KCNB2: variants seen among roughly 807,000 people sequenced by gnomAD.
KCNB2 encodes the protein potassium voltage-gated channel subfamily B member 2.
In KCNB2, 15 loss-of-function variants were observed where a neutral mutation model predicts 61.5. The ratio of observed to expected loss-of-function variants is 0.24; its 90% CI spans 0.16 to 0.38. The LOEUF (loss-of-function observed/expected upper bound fraction) is 0.38, where lower values mean the gene tolerates loss of function less well. Ranked by LOEUF, KCNB2 falls within the 10% of genes least tolerant of loss-of-function variation. KCNB2 has a pLI of 1.00. For missense variants in KCNB2, 828 were observed against 1,125.2 expected (o/e 0.74, Z 3.78); for synonymous variants, 457 against 446.0 (o/e 1.02, Z -0.31).
rs546920154 is a variant in KCNB2 at position 72,833,957 on chromosome 8, A to T, written c.580-101978A>T. Among the ~76,000 whole-genome samples the T allele has an allele frequency of 4.6e-5, 7 of 152,302 alleles. No homozygotes were observed. In the East Asian group the frequency reaches 1.4e-3, roughly 29 times the overall value. Reference sequence around the variant, plus strand: ...GCATTTTCTTACATCAGCAAATGTGATTTTGCCCAAGTGACAGCAGTGATA... The same window carrying T: ...GCATTTTCTTACATCAGCAAATGTGTTTTTGCCCAAGTGACAGCAGTGATA... On this transcript the variant is annotated intron_variant, in intron 2 of 2. Transcript: ENST00000523207.
intron 2 of KCNB2, among the ~76,000 whole-genome samples, chr8:72,729,896 A>AG (rs1365036542): frequency 6.6e-6 from 1 of 152,168 alleles, no homozygotes; most frequent in Admixed American, 6.6e-5. Context: ...AAAAAAAAAA[A>AG]AGATTACACA....
At chr8:72,848,017 A>G (rs2129003092) in intron 2 of KCNB2, among the ~76,000 whole-genome samples, 1 of 152,300 alleles carries the variant, frequency 6.6e-6, no homozygotes, top group East Asian at 1.9e-4. Flanking sequence ...GGCCTGCCCT[A>G]TTGCATAAAG....
intron 2 of KCNB2, among the ~76,000 whole-genome samples, chr8:72,803,057 T>A (rs896169490): frequency 6.6e-6 from 1 of 152,146 alleles, no homozygotes; most frequent in Admixed American, 6.6e-5. Context: ...ATGAGACACA[T>A]CCTCACTGCT....
At chr8:72,725,603 A>ATG (rs1438518658) in intron 2 of KCNB2, among the ~76,000 whole-genome samples, 1,822 of 110,690 alleles carry the variant, frequency 0.016, 71 homozygotes, top group African/African-American at 0.066. Flanking sequence ...ATATATATAT[A>ATG]TATATATATA....
At position 72,938,133 on chromosome 8, in the gene KCNB2, C is replaced by T. The variant is rs1806970830; in HGVS notation, c.*42C>T. ...TAAATTGAAACAAAACAAAACAAAA[C>T]AAAACTTGTTTCTTAAAAATGCGGT... On this transcript the variant is annotated 3_prime_UTR_variant, in exon 3 of 3. Coordinates refer to ENST00000523207, the MANE Select transcript of KCNB2 (RefSeq NM_004770.3). 1 of 1,480,588 alleles carries T rather than the reference C, an allele frequency of 6.8e-7. No individual in the cohort carries two copies. The highest frequency in any genetic ancestry group is 1.4e-5 in the African/African-American group (1 of 70,890). The allele number at this position is 1,480,588 out of a possible 1,614,324, so 91.7% of individuals were successfully genotyped here. A position where few individuals can be genotyped will look rare whatever the true frequency, so the allele number is the denominator to read the frequency against.
chr8:72,589,528 A>G (rs1287343379), intron 2 of KCNB2, among the ~76,000 whole-genome samples: 2 of 152,268 alleles, frequency 1.3e-5, no homozygotes, highest in East Asian at 3.9e-4. Flanking sequence ...AGTGCTTGGT[A>G]GTGGAGACTG....
intron 2 of KCNB2, among the ~76,000 whole-genome samples, chr8:72,867,204 C>T (rs1805535006): frequency 1.3e-5 from 2 of 152,218 alleles, no homozygotes; most frequent in South Asian, 4.1e-4. Context: ...ACACAAGTAA[C>T]ACCTAATTAA....
At chr8:72,835,450 A>G (rs879521090) in intron 2 of KCNB2, among the ~76,000 whole-genome samples, 9 of 152,284 alleles carry the variant, frequency 5.9e-5, no homozygotes, top group African/African-American at 1.9e-4. Context: ...TCTGGGAATC[A>G]TGTTTTCTTT....
intron 2 of KCNB2, among the ~76,000 whole-genome samples, chr8:72,748,725 T>C (rs1341178272): frequency 6.6e-6 from 1 of 151,824 alleles, no homozygotes; most frequent in Non-Finnish European, 1.5e-5. Flanking sequence ...TATTTACTCT[T>C]TCTTATTTTT....
At position 72,550,341 on chromosome 8, in the gene KCNB2, T is replaced by G. The variant is rs142869249; in HGVS notation, c.-94+12456T>G. ...AGGTGCACATTCAGCTAATATTTATTAAACACTTTTCAGGTGTAAAGTACT... is the reference window on the plus strand; with the variant it reads ...AGGTGCACATTCAGCTAATATTTATGAAACACTTTTCAGGTGTAAAGTACT... On this transcript the variant is annotated intron_variant, in intron 1 of 2. Transcript: ENST00000523207. Among the ~76,000 whole-genome samples the G allele has an allele frequency of 3.6e-3, 542 of 152,332 alleles. 3 individuals are homozygous for G. The Middle Eastern group carries it at 0.068, about 19-fold the overall frequency.
At chr8:72,650,603 A>G (rs1806197496) in intron 2 of KCNB2, among the ~76,000 whole-genome samples, 1 of 152,190 alleles carries the variant, frequency 6.6e-6, no homozygotes, top group Non-Finnish European at 1.5e-5. Context: ...TACCACCTGT[A>G]CTATTCTCAC....
intron 2 of KCNB2, among the ~76,000 whole-genome samples, chr8:72,832,947 A>G (rs62520262): frequency 3.3e-5 from 5 of 152,262 alleles, no homozygotes; most frequent in Non-Finnish European, 5.9e-5. Flanking sequence ...ATACTAGTCC[A>G]GAACAAAGGC....
intron 2 of KCNB2, among the ~76,000 whole-genome samples, chr8:72,682,633 T>C (rs1453769307): frequency 6.6e-6 from 1 of 151,632 alleles, no homozygotes; most frequent in African/African-American, 2.4e-5. Context: ...TCACTCTGTT[T>C]CCCAGGATGG....
intron 2 of KCNB2, among the ~76,000 whole-genome samples, chr8:72,835,647 C>A (rs1310660274): frequency 6.6e-6 from 1 of 152,138 alleles, no homozygotes; most frequent in Non-Finnish European, 1.5e-5. Context: ...GGGGTGTAAG[C>A]AAACTAGAAA....
intron 2 of KCNB2, among the ~76,000 whole-genome samples, chr8:72,667,570 T>C (rs141082316): frequency 6.6e-6 from 1 of 152,302 alleles, no homozygotes; most frequent in Non-Finnish European, 1.5e-5. Flanking sequence ...GATTCATCTT[T>C]TCCCTCCCTC....
At chr8:72,914,580 A>T (rs1806357939) in intron 2 of KCNB2, among the ~76,000 whole-genome samples, 1 of 152,212 alleles carries the variant, frequency 6.6e-6, no homozygotes, top group South Asian at 2.1e-4. Flanking sequence ...GACAGTCTGC[A>T]TATCTGAAAG....
chr8:72,930,711 G>A (rs1232156470), intron 2 of KCNB2, among the ~76,000 whole-genome samples: 1 of 152,144 alleles, frequency 6.6e-6, no homozygotes, highest in Non-Finnish European at 1.5e-5. Context: ...TTTGTCAGAT[G>A]AGTAGATTGC....
intron 2 of KCNB2, among the ~76,000 whole-genome samples, chr8:72,763,719 T>C (rs1324951271): frequency 2.0e-5 from 3 of 152,234 alleles, no homozygotes; most frequent in African/African-American, 7.2e-5. Flanking sequence ...TGTGGTTGAA[T>C]CACTGAAGTC....
chr8:72,843,891 A>G (rs576887978), intron 2 of KCNB2, among the ~76,000 whole-genome samples: 41 of 152,116 alleles, frequency 2.7e-4, no homozygotes, highest in African/African-American at 8.0e-4. Flanking sequence ...TCTTTATCCA[A>G]TTTGCCAGTC....
Sources: gnomAD v4.1 joint callset for allele counts (sites outside exome capture counted in the v4.1 genomes callset) on GRCh38, gnomAD v4.1.1 for gene constraint, MANE v1.5 for transcripts, NCBI Gene and HGNC (gene_info 2026-07-23, HGNC 2026-07-21) for gene names.